ORC4: variants seen among roughly 807,000 people sequenced by gnomAD.
ORC4 encodes the protein origin recognition complex subunit 4.
ORC4 carries 55 observed loss-of-function variants against 63.9 expected under a neutral mutation model. The observed-to-expected ratio is 0.86, with a 90% confidence interval of 0.69 to 1.08. The LOEUF (loss-of-function observed/expected upper bound fraction) is 1.08, where lower values mean the gene tolerates loss of function less well. Ranked by LOEUF, ORC4 falls within the 50% of genes least tolerant of loss-of-function variation. ORC4 has a pLI of 0.00. For synonymous variants in ORC4, 150 were observed against 168.5 expected (o/e 0.89, Z 0.85); for missense variants, 511 against 504.4 (o/e 1.01, Z -0.13).
chr2:147,958,490 C>T, intron 5 of ORC4, 107 bp from the exon 6 acceptor site: 1 of 761,648 alleles, frequency 1.3e-6, no homozygotes, highest in Non-Finnish European at 2.3e-6. Flanking sequence ...CCTGTGAGTT[C>T]ATATCACTTT....
chr2:147,955,873 A>G (rs960126148), intron 6 of ORC4, among the ~76,000 whole-genome samples: 2 of 152,006 alleles, frequency 1.3e-5, no homozygotes, highest in Non-Finnish European at 2.9e-5. Context: ...AACAAAAAGA[A>G]AAGGCTTTTT....
chr2:148,009,498 T>C (rs1373273370), intron 1 of ORC4, among the ~76,000 whole-genome samples: 2 of 152,088 alleles, frequency 1.3e-5, no homozygotes, highest in African/African-American at 4.8e-5. Context: ...TATCATATAA[T>C]ACAAAAGGTT....
intron 1 of ORC4, among the ~76,000 whole-genome samples, chr2:147,988,976 A>G (rs1272978775): frequency 1.3e-5 from 2 of 152,196 alleles, no homozygotes; most frequent in East Asian, 3.9e-4. Flanking sequence ...ATTTATAAAC[A>G]TAACTTTTTA....
chr2:147,966,127 G>A (rs1455453820), intron 4 of ORC4, among the ~76,000 whole-genome samples: 2 of 151,648 alleles, frequency 1.3e-5, no homozygotes, highest in African/African-American at 4.8e-5. Flanking sequence ...ATGAACAATG[G>A]GCAAAAGAAA....
chr2:147,975,688 T>C (rs1460452705), intron 2 of ORC4, among the ~76,000 whole-genome samples: 1 of 152,134 alleles, frequency 6.6e-6, no homozygotes, highest in African/African-American at 2.4e-5. Context: ...CCACATTTAA[T>C]TTTGACAGAG....
chr2:147,983,127 T>C (rs1690987426), intron 1 of ORC4, among the ~76,000 whole-genome samples: 2 of 152,210 alleles, frequency 1.3e-5, no homozygotes, highest in Admixed American at 6.5e-5. Flanking sequence ...GAATGTATAA[T>C]GGCATGGCTA....
intron 1 of ORC4, among the ~76,000 whole-genome samples, chr2:147,980,459 A>T (rs963586864): frequency 6.6e-6 from 1 of 152,100 alleles, no homozygotes; most frequent in African/African-American, 2.4e-5. Flanking sequence ...GTGGATACAG[A>T]GGGATGACTG....
chr2:147,974,634 C>CA (rs1452249161), intron 2 of ORC4, among the ~76,000 whole-genome samples: 1,123 of 104,140 alleles, frequency 0.011, 3 homozygotes, highest in East Asian at 0.021. Flanking sequence ...GACTTGGTCT[C>CA]AAAAAAAAAA....
intron 4 of ORC4, among the ~76,000 whole-genome samples, chr2:147,965,981 G>A (rs1573804578): frequency 2.6e-5 from 4 of 152,250 alleles, no homozygotes; most frequent in Admixed American, 2.6e-4. Context: ...CAAGGTGGGA[G>A]GATCCCTTGA....
intron 1 of ORC4, among the ~76,000 whole-genome samples, chr2:148,002,121 A>G (rs1012841687): frequency 6.6e-6 from 1 of 152,176 alleles, no homozygotes; most frequent in Non-Finnish European, 1.5e-5. Flanking sequence ...AAGTTCTTAG[A>G]GACCTACAAA....
intron 1 of ORC4, among the ~76,000 whole-genome samples, chr2:147,991,087 C>T (rs1196779830): frequency 3.5e-5 from 5 of 143,530 alleles, no homozygotes; most frequent in East Asian, 2.0e-4. Context: ...TTCACTCTGT[C>T]GCCTGGCTGG....
chr2:147,987,391 T>TACAC (rs763374232), intron 1 of ORC4, among the ~76,000 whole-genome samples: 10,471 of 136,276 alleles, frequency 0.077, 672 homozygotes, highest in Non-Finnish European at 0.11. Flanking sequence ...TGTATATATA[T>TACAC]ACACACACAC....
chr2:147,964,759 CTTTT>C (rs754114483), intron 4 of ORC4, among the ~76,000 whole-genome samples: 3 of 150,822 alleles, frequency 2.0e-5, no homozygotes, highest in Non-Finnish European at 3.0e-5. Context: ...TAGCAGATTT[CTTTT>C]TTTTAATTAA....
Position 147,935,428 on chromosome 2 carries a change from G to A in ORC4, c.*82C>T, listed in dbSNP as rs949358667. On this transcript the variant is annotated 3_prime_UTR_variant, in exon 14 of 14. Transcript: ENST00000392857. Reference sequence around the variant, plus strand: ...TACAAGAATGTTTATAGAATGTTTAGCATATCATGTTAATGGACAATAGTT... The same window carrying A: ...TACAAGAATGTTTATAGAATGTTTAACATATCATGTTAATGGACAATAGTT... 4.0e-6 allele frequency: 4 copies of A among 994,938 alleles called. No homozygotes were observed. The highest frequency in any genetic ancestry group is 6.4e-6 in the Non-Finnish European group (4 of 624,208). The allele number at this position is 994,938 out of a possible 1,614,324, so 61.6% of individuals were successfully genotyped here.
rs549952033 is a variant in ORC4 at position 147,946,349 on chromosome 2, T to C, written c.762+1702A>G. ...CATTTAAATACTATGAAAGACTACA[T>C]TTGAATCTCTAAAACAGCCAGAAAA... On this transcript the variant is annotated intron_variant, in intron 9 of 13. Transcript: ENST00000392857. Among the ~76,000 whole-genome samples the C allele has an allele frequency of 4.0e-5, 6 of 151,802 alleles. No individual in the cohort carries two copies. In the East Asian group the frequency reaches 9.7e-4, roughly 24 times the overall value.
At chr2:147,962,705 C>T (rs370563955) in intron 4 of ORC4, among the ~76,000 whole-genome samples, 16 of 152,176 alleles carry the variant, frequency 1.1e-4, no homozygotes, top group South Asian at 6.2e-4. Context: ...GAGAGGCCCC[C>T]GAGCATCCAA....
chr2:147,995,811 A>G (rs915233940), intron 1 of ORC4, among the ~76,000 whole-genome samples: 1 of 152,156 alleles, frequency 6.6e-6, no homozygotes, highest in Admixed American at 6.5e-5. Context: ...GAGCTTTAAC[A>G]TTCACTGCGA....
In ORC4 at chr2:148,015,339, G is replaced by C. The variant is rs557403041; in HGVS notation, c.-18+5294C>G. ...TTTTTTTTTTTTTTTTTTTGAGATGGAGTCTCTCTCTGTTGCCCAGGCTGG... is the reference window on the plus strand; with the variant it reads ...TTTTTTTTTTTTTTTTTTTGAGATGCAGTCTCTCTCTGTTGCCCAGGCTGG... On this transcript the variant is annotated intron_variant, in intron 1 of 13. Coordinates refer to ENST00000392857, the MANE Select transcript of ORC4 (RefSeq NM_181741.4). Among the ~76,000 whole-genome samples, 7 of 134,214 alleles carry C rather than the reference G, an allele frequency of 5.2e-5. No homozygotes were observed. The East Asian group carries it at 8.8e-4, about 17-fold the overall frequency. 88.0% of individuals were successfully genotyped at this position (134,214 alleles called of 152,430 possible).
intron 1 of ORC4, among the ~76,000 whole-genome samples, chr2:147,987,511 G>A (rs1691291274): frequency 1.3e-5 from 2 of 151,706 alleles, no homozygotes; most frequent in African/African-American, 4.8e-5. Context: ...AAAGAACCAT[G>A]TACCTCAGCT....
Sources: gnomAD v4.1 joint callset for allele counts (sites outside exome capture counted in the v4.1 genomes callset) on GRCh38, gnomAD v4.1.1 for gene constraint, MANE v1.5 for transcripts, NCBI Gene and HGNC (gene_info 2026-07-23, HGNC 2026-07-21) for gene names.